Variants in PDGFB observed in about 807,000 individuals in gnomAD.
PDGFB encodes platelet-derived growth factor subunit B.
In PDGFB, 6 loss-of-function variants were observed where a neutral mutation model predicts 29.0. The ratio of observed to expected loss-of-function variants is 0.21; its 90% CI spans 0.11 to 0.41. PDGFB has a LOEUF of 0.41. Among genes scored for constraint, PDGFB ranks in the 10% least tolerant of loss-of-function variants. The pLI, the probability that PDGFB is intolerant of heterozygous loss-of-function variation, is 1.00. For missense variants in PDGFB, 299 were observed against 341.8 expected (o/e 0.87, Z 0.99); for synonymous variants, 144 against 140.8 (o/e 1.02, Z -0.16).
At chr22:39,230,538 C>A (rs1478053786) in intron 4 of PDGFB, among the ~76,000 whole-genome samples, 1 of 152,248 alleles carries the variant, frequency 6.6e-6, no homozygotes, top group Non-Finnish European at 1.5e-5. Context: ...TCCCGGAGCG[C>A]CAGCCAAGGT....
Position 39,243,140 on chromosome 22 carries a change from G to A in PDGFB, c.63+761C>T, listed in dbSNP as rs1180783293. On this transcript the variant is annotated intron_variant, in intron 1 of 6. Transcript: ENST00000331163. The surrounding 1 kb of genome is among the most constrained non-coding windows in gnomAD (Gnocchi z 6.4). ...GGTACGGCAAGGCCTCAGGCACACAGCGCCCCGGGGGCTGGATTCCTTCAG... is the reference window on the plus strand; with the variant it reads ...GGTACGGCAAGGCCTCAGGCACACAACGCCCCGGGGGCTGGATTCCTTCAG... The A allele has an allele frequency of 1.3e-5, 3 of 233,088 alleles. No homozygotes were observed. Among genetic ancestry groups the A allele is most frequent in the African/African-American group, 2.2e-5 (1 of 45,336 alleles). 14.4% of individuals were successfully genotyped at this position (233,088 alleles called of 1,614,324 possible).
At position 39,230,075 on chromosome 22, in the gene PDGFB, G is replaced by C; in HGVS notation, c.601+9C>G. ...GGGGGCTGAGGGCTGAGCCTGGAAA[G>C]GTGGTTACCTCGCTGCTCCTGGGAA... On this transcript the variant is annotated intron_variant, in intron 5 of 6. Transcript: ENST00000331163. 1 of 1,613,326 alleles carries C rather than the reference G, an allele frequency of 6.2e-7. No individual in the cohort carries two copies. Among genetic ancestry groups the C allele is most frequent in the Middle Eastern group, 1.7e-4 (1 of 6,048 alleles).
rs1442386603 is a variant in PDGFB, at chr22:39,239,208, G to A, written c.64-3334C>T. 2.6e-5 allele frequency among the ~76,000 whole-genome samples: 4 copies of A among 152,176 alleles called. No individual in the cohort carries two copies. The East Asian group carries it at 7.7e-4, about 29-fold the overall frequency. On this transcript the variant is annotated intron_variant, in intron 1 of 6. Coordinates refer to ENST00000331163, the MANE Select transcript of PDGFB (RefSeq NM_002608.4). ...GGATGGCTCCTTTGTGGGCAGCAGC[G>A]AGTGGCACACGTGCTCAGGGCCAGC...
chr22:39,233,126 C>A (rs1932351304), intron 3 of PDGFB, among the ~76,000 whole-genome samples: 1 of 152,228 alleles, frequency 6.6e-6, no homozygotes, highest in Admixed American at 6.5e-5. Context: ...TCTTTACCCT[C>A]TCTGGGCCCC....
At chr22:39,232,716 T>C (rs1251790517) in intron 3 of PDGFB, among the ~76,000 whole-genome samples, 1 of 152,092 alleles carries the variant, frequency 6.6e-6, no homozygotes, top group Non-Finnish European at 1.5e-5. Flanking sequence ...TCTCCATCTC[T>C]TGACCTCGTG....
chr22:39,239,119 C>G (rs983884060), intron 1 of PDGFB, among the ~76,000 whole-genome samples: 6 of 152,188 alleles, frequency 3.9e-5, no homozygotes, highest in African/African-American at 1.4e-4. Flanking sequence ...TTGCACAGAG[C>G]AGAGCTGCCA....
Position 39,243,242 on chromosome 22 carries a change from C to T in PDGFB, c.63+659G>A, listed in dbSNP as rs1487689208. Among the ~76,000 whole-genome samples the T allele has an allele frequency of 7.0e-6, 1 of 142,508 alleles. No individual in the cohort carries two copies. Among genetic ancestry groups the T allele is most frequent in the Non-Finnish European group, 1.5e-5 (1 of 64,904 alleles). The allele number at this position is 142,508 out of a possible 152,430, so 93.5% of individuals were successfully genotyped here. ...TCTTTCTCTCCCTCTCTCTCTCCGTCTCTCTCTCCGTCTCTCTCTCTCTCT... is the reference window on the plus strand; with the variant it reads ...TCTTTCTCTCCCTCTCTCTCTCCGTTTCTCTCTCCGTCTCTCTCTCTCTCT... On this transcript the variant is annotated intron_variant, in intron 1 of 6. Transcript: ENST00000331163. The surrounding 1 kb of genome is among the most constrained non-coding windows in gnomAD (Gnocchi z 6.4).
chr22:39,240,937 A>C, intron 1 of PDGFB: 6 of 1,351,706 alleles, frequency 4.4e-6, no homozygotes, highest in Non-Finnish European at 6.2e-6. Flanking sequence ...ACACACACAC[A>C]CACACTCTCT....
chr22:39,235,932 C>T, intron 1 of PDGFB, 58 bp from the exon 2 acceptor site: 1 of 1,139,288 alleles, frequency 8.8e-7, no homozygotes, highest in Non-Finnish European at 1.3e-6. Flanking sequence ...TCCAGCATGG[C>T]TGTCTCCCCC....
rs144279047 is a variant in PDGFB, at chr22:39,239,079, T to C, written c.64-3205A>G. Among the ~76,000 whole-genome samples the C allele has an allele frequency of 2.1e-3, 317 of 152,336 alleles. 1 individual carries two copies. Among genetic ancestry groups the C allele is most frequent in the African/African-American group, 7.0e-3 (293 of 41,582 alleles). Reference sequence around the variant, plus strand: ...TGCATCTTTTAAATGGGGCTAATAATACCTCGCCCGGGGTTACTGGGAGGC... The same window carrying C: ...TGCATCTTTTAAATGGGGCTAATAACACCTCGCCCGGGGTTACTGGGAGGC... On this transcript the variant is annotated intron_variant, in intron 1 of 6. Coordinates refer to ENST00000331163, the MANE Select transcript of PDGFB (RefSeq NM_002608.4).
At chr22:39,235,554 G>A (rs1002620792) in intron 2 of PDGFB, among the ~76,000 whole-genome samples, 3 of 152,192 alleles carry the variant, frequency 2.0e-5, no homozygotes, top group Non-Finnish European at 2.9e-5. Flanking sequence ...GCACCAAGCC[G>A]GAGCCACACG....
rs531480860 is a variant in PDGFB, at chr22:39,229,466, T to C, written c.601+618A>G. Among the ~76,000 whole-genome samples, 7 of 152,346 alleles carry C rather than the reference T, an allele frequency of 4.6e-5. No homozygotes were observed. The East Asian group carries it at 1.3e-3, about 29-fold the overall frequency. On this transcript the variant is annotated intron_variant, in intron 5 of 6. Transcript: ENST00000331163. ...GGAGCTGAAATCTCTCTCCAGTGGC[T>C]TCTCCCCACTGGTCCTGGTTCCCCC...
chr22:39,244,238 A>C lies in PDGFB; in HGVS notation c.-275T>G. ...GGATCCCGAGCCCGAGTGAGCATCC[A>C]CGGCCGGGGGGCTGCGTCGCGAACC... On this transcript the variant is annotated 5_prime_UTR_variant, in exon 1 of 7. Transcript: ENST00000331163. The surrounding 1 kb of genome is among the most constrained non-coding windows in gnomAD (Gnocchi z 4.5). 1 of 242,198 alleles carries C rather than the reference A, an allele frequency of 4.1e-6. No homozygotes were observed. The allele number at this position is 242,198 out of a possible 1,614,324, so 15.0% of individuals were successfully genotyped here.
intron 1 of PDGFB, 77 bp from the exon 2 acceptor site, chr22:39,235,951 C>T: frequency 1.1e-6 from 1 of 925,058 alleles, no homozygotes; most frequent in Non-Finnish European, 1.7e-6. Context: ...CCACCACACG[C>T]TTTCTCGCTT....
At position 39,242,467 on chromosome 22, in the gene PDGFB, G is replaced by A. The variant is rs1028770456; in HGVS notation, c.63+1434C>T. 1.3e-4 allele frequency among the ~76,000 whole-genome samples: 19 copies of A among 150,624 alleles called. No individual in the cohort carries two copies. Among genetic ancestry groups the A allele is most frequent in the South Asian group, 4.2e-4 (2 of 4,814 alleles). Reference sequence around the variant, plus strand: ...CCTCCCCAACAGCTGGCCGCGGCCCGGGGGGCTGCGGGAGAGGCGGAGAGG... The same window carrying A: ...CCTCCCCAACAGCTGGCCGCGGCCCAGGGGGCTGCGGGAGAGGCGGAGAGG... On this transcript the variant is annotated intron_variant, in intron 1 of 6. Transcript: ENST00000331163. This position sits in a 1 kb window ranked among gnomAD's most constrained non-coding sequence, Gnocchi z 5.7.
rs1932112340 is a variant in PDGFB, at chr22:39,224,285, T to C, written c.*1057A>G. 6.6e-6 allele frequency: 1 copy of C among 152,180 alleles called. No homozygotes were observed. The highest frequency in any genetic ancestry group is 1.5e-5 in the Non-Finnish European group (1 of 68,044). The allele number at this position is 152,180 out of a possible 1,614,324, so 9.4% of individuals were successfully genotyped here. On this transcript the variant is annotated 3_prime_UTR_variant, in exon 7 of 7. Coordinates refer to ENST00000331163, the MANE Select transcript of PDGFB (RefSeq NM_002608.4). ...ATCTGCCAGAAATTGTCATAATAAATATACAAATCAGCTTTATCTATGATG... is the reference window on the plus strand; with the variant it reads ...ATCTGCCAGAAATTGTCATAATAAACATACAAATCAGCTTTATCTATGATG...
In PDGFB at chr22:39,235,803, T is replaced by C. The variant is rs1353670529; in HGVS notation, c.135A>G (p.Gln45=). The stretch of plus-strand genomic sequence containing the variant: ...CTCCGGGGTCTCCGTGCAGCAGGCG[T>C]TGGAGATCATCAAAGGAGCGGATCG... ...DHSIRSFDDL[Q]RLLHGDPGEE... is the part of the protein sequence containing the mutation. The change falls in exon 2 of 7, where the codon CAA becomes CAG. Residue 45 remains glutamine, a synonymous_variant. Coordinates refer to ENST00000331163, the MANE Select transcript of PDGFB (RefSeq NM_002608.4). The C allele has an allele frequency of 1.2e-5, 20 of 1,613,550 alleles. No individual in the cohort carries two copies. Among genetic ancestry groups the C allele is most frequent in the East Asian group, 2.2e-5 (1 of 44,880 alleles).
chr22:39,236,430 A>G (rs2146447576), intron 1 of PDGFB, among the ~76,000 whole-genome samples: 1 of 152,348 alleles, frequency 6.6e-6, no homozygotes, highest in Admixed American at 6.5e-5. Flanking sequence ...AGGAGGCCCC[A>G]GGTCCTAGCG....
At chr22:39,235,583 C>T (rs1668588192) in intron 2 of PDGFB, among the ~76,000 whole-genome samples, 195 bp downstream of exon 2, 1 of 152,252 alleles carries the variant, frequency 6.6e-6, no homozygotes, top group Admixed American at 6.5e-5. Context: ...TCTCCTGCCA[C>T]ACCCCAAGTC....
Sources: gnomAD v4.1 joint callset for allele counts (sites outside exome capture counted in the v4.1 genomes callset) on GRCh38, gnomAD v4.1.1 for gene constraint, Gnocchi (gnomAD v3.1) non-coding constraint, MANE v1.5 for transcripts, NCBI Gene and HGNC (gene_info 2026-07-23, HGNC 2026-07-21) for gene names.